Variants in SLC9C2 observed in about 807,000 individuals in gnomAD.
SLC9C2 encodes sodium/hydrogen exchanger 11.
Under a neutral mutation model 140.2 loss-of-function variants are expected in SLC9C2, and 75 were observed. That is an observed-to-expected ratio of 0.53 (90% CI 0.44 to 0.65). The LOEUF is 0.65. Among genes scored for constraint, SLC9C2 ranks in the 30% least tolerant of loss-of-function variants. The pLI, the probability that SLC9C2 is intolerant of heterozygous loss-of-function variation, is 0.00. For synonymous variants in SLC9C2, 375 were observed against 420.9 expected (o/e 0.89, Z 1.34); for missense variants, 1,074 against 1,331.8 (o/e 0.81, Z 3.01).
intron 25 of SLC9C2, among the ~76,000 whole-genome samples, chr1:173,505,653 G>A (rs1659583960): frequency 1.3e-5 from 2 of 152,172 alleles, no homozygotes; most frequent in African/African-American, 4.8e-5. Flanking sequence ...AAGGGCTCAA[G>A]GCTCAGCATT....
intron 23 of SLC9C2, among the ~76,000 whole-genome samples, chr1:173,510,327 T>C (rs1485245856): frequency 6.6e-6 from 1 of 152,208 alleles, no homozygotes; most frequent in African/African-American, 2.4e-5. Context: ...GTTTAATTAT[T>C]TCATTGTACT....
intron 4 of SLC9C2, among the ~76,000 whole-genome samples, chr1:173,588,857 G>C (rs1281055513): frequency 3.3e-5 from 5 of 151,880 alleles, no homozygotes; most frequent in Non-Finnish European, 7.4e-5. Context: ...AGGATATCTT[G>C]AGTTCAGTAG....
intron 7 of SLC9C2, among the ~76,000 whole-genome samples, chr1:173,578,245 C>G (rs1665303460): frequency 6.6e-6 from 1 of 152,274 alleles, no homozygotes; most frequent in Non-Finnish European, 1.5e-5. Flanking sequence ...AATTATACAT[C>G]AACACTCAAA....
chr1:173,553,213 T>C (rs1663443884), intron 11 of SLC9C2, among the ~76,000 whole-genome samples: 1 of 152,206 alleles, frequency 6.6e-6, no homozygotes, highest in Non-Finnish European at 1.5e-5. Context: ...TTCTTACAGA[T>C]GAGTAAACGA....
intron 27 of SLC9C2, 32 bp downstream of exon 27, chr1:173,503,232 GAA>G: frequency 1.3e-6 from 2 of 1,581,304 alleles, no homozygotes; most frequent in Non-Finnish European, 1.7e-6. Flanking sequence ...TTTGCAATAA[GAA>G]AAAATTCTAA....
intron 17 of SLC9C2, among the ~76,000 whole-genome samples, chr1:173,532,430 T>C (rs1661646056): frequency 6.6e-6 from 1 of 152,294 alleles, no homozygotes. Flanking sequence ...GGTTTAAGAA[T>C]TGAAACTGAA....
chr1:173,520,683 G>A (rs573727235), intron 22 of SLC9C2, among the ~76,000 whole-genome samples: 1 of 152,228 alleles, frequency 6.6e-6, no homozygotes, highest in African/African-American at 2.4e-5. Flanking sequence ...TATTTATTAT[G>A]GTAGTTTATT....
intron 23 of SLC9C2, among the ~76,000 whole-genome samples, chr1:173,516,094 C>T (rs1481950099): frequency 6.6e-6 from 1 of 152,166 alleles, no homozygotes; most frequent in Non-Finnish European, 1.5e-5. Flanking sequence ...TAGGAACGCT[C>T]CTGTATAGGG....
chr1:173,524,679 C>T (rs1345615254), intron 20 of SLC9C2, 100 bp downstream of exon 20: 7 of 1,308,966 alleles, frequency 5.3e-6, no homozygotes, highest in Non-Finnish European at 6.4e-6. Context: ...AGAGTTAACA[C>T]CTGTGGTTAA....
intron 19 of SLC9C2, 59 bp from the exon 20 acceptor site, chr1:173,524,986 A>G: frequency 6.5e-7 from 1 of 1,539,422 alleles, no homozygotes; most frequent in Non-Finnish European, 8.9e-7. Flanking sequence ...AATAACTAAT[A>G]TTAGTATAAT....
At position 173,531,748 on chromosome 1, in the gene SLC9C2, C is replaced by T. The variant is rs73027369; in HGVS notation, c.2164-1694G>A. On this transcript the variant is annotated intron_variant, in intron 17 of 27. Transcript: ENST00000367714. Reference sequence around the variant, plus strand: ...GCCAGCCCATAGAGCTGTCACTCCCCGTGACAGTTTCCACAATAATACACT... The same window carrying T: ...GCCAGCCCATAGAGCTGTCACTCCCTGTGACAGTTTCCACAATAATACACT... Among the ~76,000 whole-genome samples the T allele has an allele frequency of 4.6e-3, 705 of 152,284 alleles. 4 individuals are homozygous for T. Among genetic ancestry groups the T allele is most frequent in the African/African-American group, 0.016 (672 of 41,554 alleles).
chr1:173,517,841 G>T, intron 22 of SLC9C2, 137 bp from the exon 23 acceptor site: 2 of 690,448 alleles, frequency 2.9e-6, no homozygotes, highest in South Asian at 3.2e-5. Flanking sequence ...AGAAGAATTA[G>T]GCTTAAGAAA....
chr1:173,545,087 G>C (rs1662748958), intron 13 of SLC9C2, among the ~76,000 whole-genome samples: 1 of 152,098 alleles, frequency 6.6e-6, no homozygotes, highest in Non-Finnish European at 1.5e-5. Flanking sequence ...TGTGGCTGAA[G>C]GCCCTTTGTT....
At chr1:173,540,240 T>G (rs1175883813) in intron 13 of SLC9C2, among the ~76,000 whole-genome samples, 1 of 152,174 alleles carries the variant, frequency 6.6e-6, no homozygotes, top group Admixed American at 6.5e-5. Context: ...GAGGACATCC[T>G]GGACCCTCCA....
At chr1:173,565,011 A>G (rs1571573107) in intron 9 of SLC9C2, among the ~76,000 whole-genome samples, 1 of 118,378 alleles carries the variant, frequency 8.4e-6, no homozygotes, top group South Asian at 2.8e-4. Context: ...TCTGTCGCCC[A>G]GGCTGGAGTG....
Position 173,601,792 on chromosome 1 carries a change from T to C in SLC9C2, c.-16A>G. 1.9e-6 allele frequency: 3 copies of C among 1,613,654 alleles called. No individual in the cohort carries two copies. Among genetic ancestry groups the C allele is most frequent in the South Asian group, 1.1e-5 (1 of 90,996 alleles). ...AAGAACTCATTTTTGCTGCTGCTTTTCCCCAGACCTAACTTGATGGAGTGG... is the reference window on the plus strand; with the variant it reads ...AAGAACTCATTTTTGCTGCTGCTTTCCCCCAGACCTAACTTGATGGAGTGG... On this transcript the variant is annotated 5_prime_UTR_variant, in exon 2 of 28. Transcript: ENST00000367714.
intron 19 of SLC9C2, 29 bp from the exon 20 acceptor site, chr1:173,524,956 G>A (rs1661093662): frequency 3.1e-6 from 5 of 1,610,892 alleles, no homozygotes; most frequent in Non-Finnish European, 4.2e-6. Context: ...AATTCAGTAA[G>A]TGGCCTATGC....
chr1:173,588,275 C>T (rs772843329), intron 4 of SLC9C2, among the ~76,000 whole-genome samples: 2 of 152,062 alleles, frequency 1.3e-5, no homozygotes, highest in Non-Finnish European at 2.9e-5. Flanking sequence ...ATAAGTAGTT[C>T]TGCAATAGAG....
At chr1:173,568,985 G>A (rs1054123353) in intron 9 of SLC9C2, among the ~76,000 whole-genome samples, 1 of 152,000 alleles carries the variant, frequency 6.6e-6, no homozygotes. Flanking sequence ...TTTCTTCTAG[G>A]AAAGGTCTGA....
Sources: allele counts gnomAD v4.1 joint callset (sites outside exome capture counted in the v4.1 genomes callset), GRCh38; gene constraint gnomAD v4.1.1; transcripts MANE v1.5; gene names NCBI Gene and HGNC (gene_info 2026-07-23, HGNC 2026-07-21).